PAQR5: variants seen among roughly 807,000 people sequenced by gnomAD.
The protein encoded by PAQR5 is membrane progestin receptor gamma.
In PAQR5, 20 loss-of-function variants were observed where a neutral mutation model predicts 34.5. That is an observed-to-expected ratio of 0.58 (90% CI 0.41 to 0.84). The LOEUF (loss-of-function observed/expected upper bound fraction) is 0.84, where lower values mean the gene tolerates loss of function less well. PAQR5 is among the 40% of genes least tolerant of loss of function. PAQR5 has a pLI of 0.00. For synonymous variants in PAQR5, 131 were observed against 155.6 expected, an observed-to-expected ratio of 0.84 and a Z score of 1.18; for missense variants, 378 against 412.7, an observed-to-expected ratio of 0.92 and a Z score of 0.73.
At chr15:69,364,499 G>A (rs1349272475) in intron 3 of PAQR5, among the ~76,000 whole-genome samples, 1 of 146,404 alleles carries the variant, frequency 6.8e-6, no homozygotes, top group Non-Finnish European at 1.5e-5. Flanking sequence ...CATTATATAT[G>A]TTATATATAT....
chr15:69,399,554 G>A (rs1251564923), intron 7 of PAQR5, among the ~76,000 whole-genome samples: 3 of 152,288 alleles, frequency 2.0e-5, no homozygotes, highest in African/African-American at 4.8e-5. Flanking sequence ...AATGCCCCTA[G>A]CCTGCATGTT....
At chr15:69,351,293 C>T (rs796813383) in intron 2 of PAQR5, among the ~76,000 whole-genome samples, 5 of 152,238 alleles carry the variant, frequency 3.3e-5, no homozygotes, top group Admixed American at 6.5e-5. Context: ...CATCCCCATT[C>T]GGCTTATGTA....
At chr15:69,355,577 C>G (rs528563115) in intron 2 of PAQR5, among the ~76,000 whole-genome samples, 3 of 151,554 alleles carry the variant, frequency 2.0e-5, no homozygotes, top group Admixed American at 1.3e-4. Flanking sequence ...TTCGCCACCA[C>G]GCCCAGCTAA....
At chr15:69,330,584 G>A (rs938464745) in intron 1 of PAQR5, among the ~76,000 whole-genome samples, 10 of 151,996 alleles carry the variant, frequency 6.6e-5, no homozygotes, top group Admixed American at 3.3e-4. Flanking sequence ...TGATCTTGTG[G>A]CCCCCTCCCA....
At position 69,397,509 on chromosome 15, in the gene PAQR5, G is replaced by A. The variant is rs141354207; in HGVS notation, c.554G>A (p.Arg185His). ...AAGCCCAGACTCTGTAAGGTGATTC[G>A]TGTCCTCGCCTTTGCTTATCCGTAC... ...IQKPRLCKVIRVLAFAYPYTW... is the reference protein window; with the variant it reads ...IQKPRLCKVIHVLAFAYPYTW... Residue 185 changes from arginine (R) to histidine (H), a missense_variant, in exon 7 of 9, where the codon CGT (arginine) becomes CAT (histidine). Transcript: ENST00000395407. The A allele has an allele frequency of 3.7e-6, 6 of 1,613,856 alleles. No individual in the cohort carries two copies. Among genetic ancestry groups the A allele is most frequent in the African/African-American group, 1.3e-5 (1 of 75,024 alleles).
At chr15:69,398,238 C>T (rs145258920) in intron 7 of PAQR5, among the ~76,000 whole-genome samples, 4 of 152,068 alleles carry the variant, frequency 2.6e-5, no homozygotes, top group African/African-American at 7.2e-5. Context: ...CTTAAAGGAG[C>T]GATGGGAAAG....
intron 4 of PAQR5, among the ~76,000 whole-genome samples, chr15:69,382,702 A>ATATATG (rs2055929643): frequency 9.0e-6 from 1 of 111,400 alleles, no homozygotes; most frequent in African/African-American, 3.6e-5. Flanking sequence ...ATATATATAT[A>ATATATG]TATGTATGTA....
At chr15:69,299,359 C>G (rs148123474) in intron 1 of PAQR5, among the ~76,000 whole-genome samples, 1 of 152,332 alleles carries the variant, frequency 6.6e-6, no homozygotes, top group East Asian at 1.9e-4. Flanking sequence ...CACCTTTTCT[C>G]TCACTCTCCA....
At chr15:69,350,169 G>T (rs540475257) in intron 2 of PAQR5, among the ~76,000 whole-genome samples, 1 of 152,232 alleles carries the variant, frequency 6.6e-6, no homozygotes, top group African/African-American at 2.4e-5. Flanking sequence ...CAGCTCCAAC[G>T]GCAAAGTGGG....
rs1566998077 is a variant in PAQR5, at chr15:69,322,781, AGAAGAC to A, written c.-276-14557_-276-14552del. Among the ~76,000 whole-genome samples the A allele has an allele frequency of 1.3e-4, 12 of 95,710 alleles. 2 individuals carry two copies. The highest frequency in any genetic ancestry group is 7.5e-4 in the South Asian group (2 of 2,650). The allele number at this position is 95,710 out of a possible 152,430, so 62.8% of individuals were successfully genotyped here. On this transcript the variant is annotated intron_variant, in intron 1 of 8. Coordinates refer to ENST00000395407, the MANE Select transcript of PAQR5 (RefSeq NM_017705.4). ...AAGAAGAAGAAGAAGAGGGAGAAGA[AGAAGAC>A]GAGGAAGAAGAAGAAGAGGAAGAGG...
chr15:69,313,949 G>A (rs1464043717), intron 1 of PAQR5, among the ~76,000 whole-genome samples: 2 of 152,074 alleles, frequency 1.3e-5, no homozygotes, highest in Non-Finnish European at 2.9e-5. Context: ...CAGGGACCTT[G>A]CCTTTCTGTG....
rs143963748 is a variant in PAQR5, at chr15:69,407,673, T to C, written c.*3851T>C. 2.6e-5 allele frequency: 4 copies of C among 152,338 alleles called. No homozygotes were observed. The East Asian group carries it at 5.8e-4, about 22-fold the overall frequency. The allele number at this position is 152,338 out of a possible 1,614,324, so 9.4% of individuals were successfully genotyped here. ...TCCTGTTTGCCACTTAATTTGGTTA[T>C]GTTTTATCTACCACACTGCAAATAT... is the stretch of plus-strand genomic sequence containing the variant. On this transcript the variant is annotated 3_prime_UTR_variant, in exon 9 of 9. Coordinates refer to ENST00000395407, the MANE Select transcript of PAQR5 (RefSeq NM_017705.4).
chr15:69,399,386 A>G (rs1295028462), intron 7 of PAQR5, among the ~76,000 whole-genome samples: 2 of 152,154 alleles, frequency 1.3e-5, no homozygotes, highest in Non-Finnish European at 2.9e-5. Flanking sequence ...GCTTTTCTCT[A>G]GCTTACTTTA....
chr15:69,303,069 C>T (rs7176610), intron 1 of PAQR5, among the ~76,000 whole-genome samples: 70,310 of 152,016 alleles, frequency 0.46, 19,084 homozygotes, highest in Middle Eastern at 0.62. Flanking sequence ...TTGTCTCTCT[C>T]GTTCCATGGT....
rs574383671 is a variant in PAQR5, at chr15:69,394,844, C to G, written c.513-2624C>G. ...AGCGGACGGCCCCTCTCCCGAGCTACTGGCCCTTCTGCCTTTTTCTCTCTG... is the reference window on the plus strand; with the variant it reads ...AGCGGACGGCCCCTCTCCCGAGCTAGTGGCCCTTCTGCCTTTTTCTCTCTG... On this transcript the variant is annotated intron_variant, in intron 6 of 8. Coordinates refer to ENST00000395407, the MANE Select transcript of PAQR5 (RefSeq NM_017705.4). Among the ~76,000 whole-genome samples the G allele has an allele frequency of 7.9e-5, 12 of 152,370 alleles. No individual in the cohort carries two copies. In the East Asian group the frequency reaches 2.1e-3, roughly 27 times the overall value.
intron 2 of PAQR5, among the ~76,000 whole-genome samples, chr15:69,345,491 G>A (rs2054746306): frequency 1.3e-5 from 2 of 152,206 alleles, no homozygotes; most frequent in Admixed American, 1.3e-4. Flanking sequence ...CCCCTAGCCT[G>A]AGAGGAATGA....
chr15:69,303,812 C>A (rs1486658891), intron 1 of PAQR5, among the ~76,000 whole-genome samples: 1 of 152,214 alleles, frequency 6.6e-6, no homozygotes, highest in Non-Finnish European at 1.5e-5. Context: ...CCACAGTGCT[C>A]AGCACGCCCC....
At chr15:69,398,793 G>A (rs1354442960) in intron 7 of PAQR5, among the ~76,000 whole-genome samples, 1 of 152,218 alleles carries the variant, frequency 6.6e-6, no homozygotes, top group African/African-American at 2.4e-5. Context: ...GTCCTGTGTT[G>A]TGACAAGCAT....
intron 6 of PAQR5, among the ~76,000 whole-genome samples, chr15:69,390,366 T>TTTTTTG (rs1180192446): frequency 4.0e-5 from 6 of 149,612 alleles, no homozygotes; most frequent in African/African-American, 4.9e-5. Flanking sequence ...ATTTATTTTT[T>TTTTTTG]TGAGACAGGG....
Sources: allele counts gnomAD v4.1 joint callset (sites outside exome capture counted in the v4.1 genomes callset), GRCh38; gene constraint gnomAD v4.1.1; transcripts MANE v1.5; gene names NCBI Gene and HGNC (gene_info 2026-07-23, HGNC 2026-07-21).